ELMO1: variants seen among roughly 807,000 people sequenced by gnomAD.
ELMO1 encodes engulfment and cell motility protein 1.
Under a neutral mutation model 98.9 loss-of-function variants are expected in ELMO1, and 26 were observed. The observed-to-expected ratio is 0.26, with a 90% CI of 0.19 to 0.36. The LOEUF is 0.36. Among genes scored for constraint, ELMO1 ranks in the 10% least tolerant of loss-of-function variants. The probability of loss-of-function intolerance (pLI) is 1.00; values close to 1 mark genes in which losing one functional copy is unlikely to be tolerated. For synonymous variants in ELMO1, 346 were observed against 346.0 expected (o/e 1.00, Z 0.00); for missense variants, 627 against 935.2 (o/e 0.67, Z 4.30).
chr7:36,887,093 C>T (rs1419830278), intron 18 of ELMO1, among the ~76,000 whole-genome samples: 1 of 152,158 alleles, frequency 6.6e-6, no homozygotes, highest in Non-Finnish European at 1.5e-5. Flanking sequence ...TGACTTTGGG[C>T]CAGTTTCTTA....
intron 13 of ELMO1, among the ~76,000 whole-genome samples, chr7:37,192,867 A>C (rs1182030497): frequency 1.4e-5 from 2 of 146,634 alleles, no homozygotes; most frequent in African/African-American, 5.0e-5. Context: ...ATATAGATAC[A>C]TACATGTTTA....
intron 4 of ELMO1, among the ~76,000 whole-genome samples, chr7:37,302,771 G>T (rs1798414852): frequency 6.6e-6 from 1 of 152,072 alleles, no homozygotes. Context: ...TTTGCTTTAG[G>T]TTACTAAATT....
At chr7:37,068,330 G>C (rs1797091052) in intron 15 of ELMO1, among the ~76,000 whole-genome samples, 1 of 152,150 alleles carries the variant, frequency 6.6e-6, no homozygotes, top group Non-Finnish European at 1.5e-5. Context: ...CCCGCTCTAG[G>C]AAACCACCTG....
intron 15 of ELMO1, among the ~76,000 whole-genome samples, chr7:37,034,871 G>T (rs368479453): frequency 6.6e-6 from 1 of 152,140 alleles, no homozygotes; most frequent in Non-Finnish European, 1.5e-5. Flanking sequence ...CAGAAAAAGT[G>T]TTCTTTTTGT....
chr7:37,092,879 T>C (rs1784190377), intron 15 of ELMO1, among the ~76,000 whole-genome samples: 1 of 151,998 alleles, frequency 6.6e-6, no homozygotes, highest in Non-Finnish European at 1.5e-5. Context: ...GCAATCACTC[T>C]ACTTTCTTGC....
intron 16 of ELMO1, among the ~76,000 whole-genome samples, chr7:36,997,468 C>G (rs1328350258): frequency 2.6e-5 from 4 of 152,052 alleles, no homozygotes; most frequent in Admixed American, 2.6e-4. Flanking sequence ...AGTGGTGAAT[C>G]AGTAGGACTT....
At chr7:37,105,774 GGTTT>G (rs1183777270) in intron 14 of ELMO1, among the ~76,000 whole-genome samples, 3 of 152,266 alleles carry the variant, frequency 2.0e-5, no homozygotes, top group Middle Eastern at 6.8e-3. Context: ...GATTGGTTTT[GGTTT>G]GTTTTGTTTT....
chr7:37,143,345 A>G (rs1234988387), intron 13 of ELMO1, among the ~76,000 whole-genome samples: 1 of 152,220 alleles, frequency 6.6e-6, no homozygotes, highest in Non-Finnish European at 1.5e-5. Flanking sequence ...AAAGATGTTC[A>G]ATGCAGGTTC....
intron 15 of ELMO1, among the ~76,000 whole-genome samples, chr7:37,018,097 T>C (rs749998366): frequency 6.6e-6 from 1 of 152,190 alleles, no homozygotes; most frequent in Middle Eastern, 3.4e-3. Context: ...GCACATGGCA[T>C]AGAATTAGTA....
chr7:37,018,948 T>TA (rs1794113223), intron 15 of ELMO1, among the ~76,000 whole-genome samples: 1 of 152,050 alleles, frequency 6.6e-6, no homozygotes, highest in South Asian at 2.1e-4. Flanking sequence ...GTCCCATAGA[T>TA]AAGCGGGGGG....
chr7:37,147,983 C>T (rs907489387), intron 13 of ELMO1, among the ~76,000 whole-genome samples: 4 of 152,224 alleles, frequency 2.6e-5, no homozygotes, highest in Non-Finnish European at 5.9e-5. Flanking sequence ...TGACAGTATT[C>T]TGTGCCACTA....
intron 1 of ELMO1, among the ~76,000 whole-genome samples, chr7:37,376,582 A>AC (rs1802356525): frequency 6.6e-6 from 1 of 151,912 alleles, no homozygotes; most frequent in Non-Finnish European, 1.5e-5. Context: ...TAGTACTGTA[A>AC]CCCCCACCCA....
chr7:37,395,236 G>T (rs1257303910), intron 1 of ELMO1, among the ~76,000 whole-genome samples: 2 of 151,990 alleles, frequency 1.3e-5, no homozygotes, highest in African/African-American at 4.8e-5. Flanking sequence ...GCGTAGTAGT[G>T]CATGCCTGTA....
At chr7:36,897,343 T>TGTGTGTGTGTGTGTGTATGTGTGC (rs1554351209) in intron 16 of ELMO1, among the ~76,000 whole-genome samples, 2 of 151,720 alleles carry the variant, frequency 1.3e-5, no homozygotes, top group Non-Finnish European at 2.9e-5. Context: ...TGTGTGTGTG[T>TGTGTGTGTGTGTGTGTATGTGTGC]GTGTGTGAAA....
chr7:37,192,081 C>T (rs1475769588), intron 13 of ELMO1, among the ~76,000 whole-genome samples: 1 of 152,202 alleles, frequency 6.6e-6, no homozygotes, highest in East Asian at 1.9e-4. Flanking sequence ...GCAGTGTTTG[C>T]CTGTGGAAGG....
intron 13 of ELMO1, among the ~76,000 whole-genome samples, chr7:37,165,557 AT>A (rs1020980825): frequency 3.3e-5 from 5 of 152,082 alleles, no homozygotes; most frequent in African/African-American, 1.2e-4. Flanking sequence ...GGGCTGTTGA[AT>A]TTTGTCAAAG....
chr7:37,162,042 G>A (rs1333860247), intron 13 of ELMO1, among the ~76,000 whole-genome samples: 3 of 148,416 alleles, frequency 2.0e-5, no homozygotes, highest in Non-Finnish European at 3.0e-5. Context: ...AGAAAAATGG[G>A]ATTAATGGAA....
At chr7:37,410,833 A>C (rs1289415667) in intron 1 of ELMO1, among the ~76,000 whole-genome samples, 1 of 152,232 alleles carries the variant, frequency 6.6e-6, no homozygotes, top group African/African-American at 2.4e-5. Context: ...ACATGAGTGG[A>C]AAGAGTTTTT....
intron 14 of ELMO1, among the ~76,000 whole-genome samples, chr7:37,124,583 G>T (rs141923306): frequency 3.9e-5 from 6 of 152,142 alleles, no homozygotes; most frequent in Non-Finnish European, 8.8e-5. Context: ...TACAAGGGAC[G>T]TGAAGGACCT....
Sources: allele counts gnomAD v4.1 joint callset (sites outside exome capture counted in the v4.1 genomes callset), GRCh38; gene constraint gnomAD v4.1.1; transcripts MANE v1.5; gene names NCBI Gene and HGNC (gene_info 2026-07-23, HGNC 2026-07-21).